ME3: variants seen among roughly 807,000 people sequenced by gnomAD.
ME3 encodes malic enzyme 3.
In ME3, 48 loss-of-function variants were observed where a neutral mutation model predicts 68.9. That is an observed-to-expected ratio of 0.70 (90% CI 0.55 to 0.89). The LOEUF (loss-of-function observed/expected upper bound fraction) is 0.89. Ranked by LOEUF, ME3 falls within the 40% of genes least tolerant of loss-of-function variation. The pLI, the probability that ME3 is intolerant of heterozygous loss-of-function variation, is 0.00. For missense variants in ME3, 675 were observed against 797.4 expected (o/e 0.85, Z 1.85); for synonymous variants, 320 against 318.8 (o/e 1.00, Z -0.04).
chr11:86,554,933 G>T (rs951406328), intron 4 of ME3, among the ~76,000 whole-genome samples: 2 of 152,196 alleles, frequency 1.3e-5, no homozygotes, highest in Non-Finnish European at 2.9e-5. Context: ...CTATGGGATA[G>T]ACGAAGTATG....
At chr11:86,577,492 G>T (rs1174778849) in intron 2 of ME3, among the ~76,000 whole-genome samples, 1 of 152,174 alleles carries the variant, frequency 6.6e-6, no homozygotes, top group Non-Finnish European at 1.5e-5. Context: ...TGGGTGCCTT[G>T]CTAGATGCTA....
At chr11:86,514,809 A>T (rs1953778940) in intron 4 of ME3, among the ~76,000 whole-genome samples, 1 of 152,234 alleles carries the variant, frequency 6.6e-6, no homozygotes, top group African/African-American at 2.4e-5. Flanking sequence ...GCTGGCCCAT[A>T]GTAAATACAT....
At chr11:86,660,882 A>AT (rs1254563068) in intron 2 of ME3, among the ~76,000 whole-genome samples, 8 of 150,634 alleles carry the variant, frequency 5.3e-5, no homozygotes, top group Middle Eastern at 6.8e-3. Context: ...GAAATAAAAG[A>AT]TTTTTTGTGG....
chr11:86,564,673 CT>C (rs1957395491), intron 2 of ME3, among the ~76,000 whole-genome samples: 2 of 152,104 alleles, frequency 1.3e-5, no homozygotes, highest in Admixed American at 6.5e-5. Flanking sequence ...AATTGGACCC[CT>C]AACTCACATT....
downstream of ME3, among the ~76,000 whole-genome samples, chr11:86,440,777 C>G (rs1422393477): frequency 6.6e-6 from 1 of 152,150 alleles, no homozygotes; most frequent in South Asian, 2.1e-4. Flanking sequence ...CTTCATCTCC[C>G]CATGACTCCC....
At position 86,558,995 on chromosome 11, in the gene ME3, T is replaced by C. The variant is rs754121095; in HGVS notation, c.317+695A>G. ...TCTTAGCTGTGGCATAGCAGAGAAA[T>C]GAAAAGCATAGACTCTGGAGCCAGG... On this transcript the variant is annotated intron_variant, in intron 3 of 14. Transcript: ENST00000543262. Among the ~76,000 whole-genome samples the C allele has an allele frequency of 2.4e-4, 37 of 152,188 alleles. 1 individual carries two copies. Among genetic ancestry groups the C allele is most frequent in the Non-Finnish European group, 3.5e-4 (24 of 68,034 alleles).
chr11:86,516,117 G>A (rs1455431822), intron 4 of ME3, among the ~76,000 whole-genome samples: 1 of 152,102 alleles, frequency 6.6e-6, no homozygotes, highest in East Asian at 1.9e-4. Flanking sequence ...TGGAAATCTT[G>A]CTTTTAATAG....
intron 2 of ME3, among the ~76,000 whole-genome samples, chr11:86,580,778 G>A (rs1187654658): frequency 6.6e-6 from 1 of 152,136 alleles, no homozygotes; most frequent in Non-Finnish European, 1.5e-5. Flanking sequence ...GTCCATTTGT[G>A]CAAAATAATC....
intron 2 of ME3, among the ~76,000 whole-genome samples, chr11:86,606,851 C>CT (rs1961736186): frequency 6.6e-6 from 1 of 152,172 alleles, no homozygotes; most frequent in African/African-American, 2.4e-5. Flanking sequence ...ATCATTCCTA[C>CT]TTCTTTTTCT....
intron 2 of ME3, among the ~76,000 whole-genome samples, chr11:86,625,668 C>G (rs1943617784): frequency 6.6e-6 from 1 of 152,154 alleles, no homozygotes. Flanking sequence ...AGAAAGAAAC[C>G]CCGTCACTGC....
At chr11:86,628,870 G>A (rs1306568968) in intron 2 of ME3, among the ~76,000 whole-genome samples, 3 of 152,178 alleles carry the variant, frequency 2.0e-5, no homozygotes, top group Non-Finnish European at 4.4e-5. Flanking sequence ...AAGGAGAAAC[G>A]TTACATGGAG....
intron 4 of ME3, among the ~76,000 whole-genome samples, chr11:86,511,909 C>A (rs2139119854): frequency 6.6e-6 from 1 of 152,152 alleles, no homozygotes; most frequent in African/African-American, 2.4e-5. Flanking sequence ...CTCAAATGGT[C>A]CTGTGGCCCC....
intron 8 of ME3, among the ~76,000 whole-genome samples, chr11:86,452,086 G>A (rs1488111510): frequency 2.0e-5 from 3 of 152,188 alleles, no homozygotes; most frequent in African/African-American, 4.8e-5. Context: ...TCTAGAAATC[G>A]TGGGGTGGAA....
intron 4 of ME3, among the ~76,000 whole-genome samples, chr11:86,530,566 G>A (rs1403721853): frequency 6.6e-6 from 1 of 152,164 alleles, no homozygotes; most frequent in Non-Finnish European, 1.5e-5. Context: ...AAAGAACAAA[G>A]CTGGAGGCAT....
chr11:86,661,793 C>T (rs772293171), intron 2 of ME3, among the ~76,000 whole-genome samples: 2 of 152,176 alleles, frequency 1.3e-5, no homozygotes, highest in Non-Finnish European at 2.9e-5. Flanking sequence ...CTGGTCCTCA[C>T]TTGCACCCCT....
chr11:86,586,025 A>G (rs1362159474), intron 2 of ME3, among the ~76,000 whole-genome samples: 1 of 152,218 alleles, frequency 6.6e-6, no homozygotes, highest in Non-Finnish European at 1.5e-5. Flanking sequence ...AACCCAGTGA[A>G]GAGTTGATGG....
At chr11:86,514,848 T>G (rs1176721119) in intron 4 of ME3, among the ~76,000 whole-genome samples, 1 of 152,236 alleles carries the variant, frequency 6.6e-6, no homozygotes, top group African/African-American at 2.4e-5. Flanking sequence ...GTGTTGCTGA[T>G]CTTAGTTCAG....
At chr11:86,560,997 T>C (rs150637185) in intron 2 of ME3, among the ~76,000 whole-genome samples, 15 of 151,916 alleles carry the variant, frequency 9.9e-5, no homozygotes, top group African/African-American at 2.2e-4. Context: ...ATCACAGAAG[T>C]AGAGTGCCAT....
intron 2 of ME3, among the ~76,000 whole-genome samples, chr11:86,600,240 A>G (rs1960368531): frequency 6.6e-6 from 1 of 152,184 alleles, no homozygotes; most frequent in Non-Finnish European, 1.5e-5. Context: ...TAGGCTCAAA[A>G]TAAAAGGATG....
Sources: allele counts gnomAD v4.1 joint callset (sites outside exome capture counted in the v4.1 genomes callset), GRCh38; gene constraint gnomAD v4.1.1; transcripts MANE v1.5; gene names NCBI Gene and HGNC (gene_info 2026-07-23, HGNC 2026-07-21).